The following CBFA2T2 variants were observed in gnomAD, a reference collection of about 807,000 sequenced individuals.
CBFA2T2 encodes the protein CBFA2/RUNX1 partner transcriptional co-repressor 2, also known as protein CBFA2T2.
In CBFA2T2, 11 loss-of-function variants were observed where a neutral mutation model predicts 62.2. That is an observed-to-expected ratio of 0.18 (90% CI 0.11 to 0.29). The LOEUF (loss-of-function observed/expected upper bound fraction) is 0.29. Ranked by LOEUF, CBFA2T2 falls within the 10% of genes least tolerant of loss-of-function variation. The probability of loss-of-function intolerance (pLI) is 1.00; values close to 1 mark genes in which losing one functional copy is unlikely to be tolerated. For missense variants in CBFA2T2, 592 were observed against 774.1 expected (o/e 0.76, Z 2.79); for synonymous variants, 295 against 287.5 (o/e 1.03, Z -0.27).
rs1239155809 is a variant in CBFA2T2, at chr20:33,490,281, C to T, written c.14C>T (p.Pro5Leu). 7.9e-6 allele frequency: 10 copies of T among 1,263,474 alleles called. No individual in the cohort carries two copies. The highest frequency in any genetic ancestry group is 3.0e-4 in the Middle Eastern group (1 of 3,354). The allele number at this position is 1,263,474 out of a possible 1,614,324, so 78.3% of individuals were successfully genotyped here. A position where few individuals can be genotyped will look rare whatever the true frequency, so the allele number is the denominator to read the frequency against. ...CGGCGCTCGGCGATGGTAGGCGTCC[C>T]TGGAGCGGCCGCCTTCCAGCGTAAG... MVGV[P>L]GAAAFQLGPE... is the part of the protein sequence containing the mutation. Residue 5 changes from proline to leucine, a missense_variant, in exon 1 of 11, where the codon CCT (proline) becomes CTT (leucine). Transcript: ENST00000342704.
intron 1 of CBFA2T2, among the ~76,000 whole-genome samples, chr20:33,508,544 A>C (rs566633386): frequency 6.6e-6 from 1 of 152,070 alleles, no homozygotes; most frequent in East Asian, 1.9e-4. Flanking sequence ...TTAGCCTAGT[A>C]CCTGTTATTT....
intron 1 of CBFA2T2, among the ~76,000 whole-genome samples, chr20:33,497,553 T>TA: frequency 1.3e-5 from 2 of 148,272 alleles, no homozygotes; most frequent in East Asian, 3.9e-4. Context: ...TATACTTTTT[T>TA]TTTTTTTTTT....
intron 1 of CBFA2T2, among the ~76,000 whole-genome samples, chr20:33,494,273 ATTT>A (rs1156307604): frequency 1.6e-3 from 35 of 21,316 alleles, no homozygotes; most frequent in Admixed American, 4.8e-3. Context: ...ATATATATAT[ATTT>A]TTTTTTTTTT....
chr20:33,634,888 A>G (rs975769469), intron 8 of CBFA2T2, among the ~76,000 whole-genome samples: 1 of 152,134 alleles, frequency 6.6e-6, no homozygotes, highest in Admixed American at 6.6e-5. Context: ...ACTGAAATAA[A>G]CAGAAATGGG....
chr20:33,563,524 A>G (rs1465474413), intron 1 of CBFA2T2, among the ~76,000 whole-genome samples: 3 of 152,052 alleles, frequency 2.0e-5, no homozygotes, highest in African/African-American at 7.2e-5. Flanking sequence ...TACTGTTTCC[A>G]TACATTGTAT....
intron 1 of CBFA2T2, among the ~76,000 whole-genome samples, chr20:33,502,693 G>A (rs1190911173): frequency 3.3e-5 from 5 of 149,626 alleles, no homozygotes; most frequent in Non-Finnish European, 1.5e-5. Flanking sequence ...GTGAGCCACC[G>A]TGCCCGGCCT....
intron 1 of CBFA2T2, among the ~76,000 whole-genome samples, chr20:33,569,429 T>C (rs1477489576): frequency 6.6e-6 from 1 of 152,244 alleles, no homozygotes; most frequent in African/African-American, 2.4e-5. Flanking sequence ...CTTTCTTCCT[T>C]CATCAGTAAA....
chr20:33,551,408 G>T (rs950564857), intron 1 of CBFA2T2, among the ~76,000 whole-genome samples: 2 of 151,978 alleles, frequency 1.3e-5, no homozygotes, highest in African/African-American at 4.8e-5. Context: ...TAGAGACGGG[G>T]TTTCTCCATG....
At chr20:33,559,684 C>A in intron 1 of CBFA2T2, among the ~76,000 whole-genome samples, 1 of 152,082 alleles carries the variant, frequency 6.6e-6, no homozygotes. Context: ...GGCGGGGTTT[C>A]ACCGTGTTGG....
At position 33,649,745 on chromosome 20, in the gene CBFA2T2, T is replaced by C. The variant is rs2017184629; in HGVS notation, c.*5099T>C. On this transcript the variant is annotated 3_prime_UTR_variant, in exon 11 of 11. Transcript: ENST00000342704. ...CCCTTAACGTGGCTTTCCAACTTCCTGACGAGGCTACAAAGGCTCCGCTCA... is the reference window on the plus strand; with the variant it reads ...CCCTTAACGTGGCTTTCCAACTTCCCGACGAGGCTACAAAGGCTCCGCTCA... 1 of 152,490 alleles carries C rather than the reference T, an allele frequency of 6.6e-6. No homozygotes were observed. The highest frequency in any genetic ancestry group is 2.1e-4 in the South Asian group (1 of 4,828). The allele number at this position is 152,490 out of a possible 1,614,324, so 9.4% of individuals were successfully genotyped here.
chr20:33,624,568 G>A (rs1386830769), intron 5 of CBFA2T2, among the ~76,000 whole-genome samples, 196 bp from the exon 6 acceptor site: 3 of 152,048 alleles, frequency 2.0e-5, no homozygotes, highest in Non-Finnish European at 2.9e-5. Context: ...TTTCATGCTG[G>A]TATAAGTCAG....
intron 1 of CBFA2T2, among the ~76,000 whole-genome samples, chr20:33,513,905 TTTG>T (rs199552942): frequency 0.015 from 2,220 of 151,246 alleles, 47 homozygotes; most frequent in African/African-American, 0.052. Flanking sequence ...TGTGTTTTTT[TTTG>T]TTGTTGTTGT....
At chr20:33,613,708 G>T (rs551167834) in intron 3 of CBFA2T2, among the ~76,000 whole-genome samples, 1 of 152,090 alleles carries the variant, frequency 6.6e-6, no homozygotes, top group Non-Finnish European at 1.5e-5. Flanking sequence ...ACCCTTATCG[G>T]TTAGGGAGAA....
intron 3 of CBFA2T2, among the ~76,000 whole-genome samples, chr20:33,618,771 T>G (rs1303921669): frequency 1.3e-5 from 2 of 152,164 alleles, no homozygotes; most frequent in African/African-American, 4.8e-5. Flanking sequence ...GAGTCCAAAA[T>G]GTCTTAGAGT....
intron 1 of CBFA2T2, among the ~76,000 whole-genome samples, chr20:33,515,164 A>C (rs886476819): frequency 6.6e-6 from 1 of 151,584 alleles, no homozygotes; most frequent in Non-Finnish European, 1.5e-5. Context: ...GCCTAGCAAA[A>C]ACATGGTGAA....
intron 1 of CBFA2T2, among the ~76,000 whole-genome samples, chr20:33,554,715 C>T (rs1322562907): frequency 2.7e-5 from 4 of 148,070 alleles, no homozygotes; most frequent in Non-Finnish European, 3.0e-5. Flanking sequence ...TGAGCCACTG[C>T]GCCTGGCTGT....
chr20:33,510,322 T>G (rs1188984659), intron 1 of CBFA2T2, among the ~76,000 whole-genome samples: 8 of 151,856 alleles, frequency 5.3e-5, no homozygotes, highest in Non-Finnish European at 2.9e-5. Flanking sequence ...GCCATTCTCC[T>G]GCCTCAGCCT....
chr20:33,599,012 G>A (rs1231232154), intron 1 of CBFA2T2, among the ~76,000 whole-genome samples: 4 of 151,410 alleles, frequency 2.6e-5, no homozygotes, highest in African/African-American at 9.7e-5. Context: ...TGTAATCCCA[G>A]CACTTTGGGA....
intron 1 of CBFA2T2, among the ~76,000 whole-genome samples, chr20:33,579,402 GAAAA>G (rs2014001570): frequency 6.6e-6 from 1 of 151,846 alleles, no homozygotes; most frequent in African/African-American, 2.4e-5. Context: ...TTGATGGGCA[GAAAA>G]CTTTAATTTT....
Sources: gnomAD v4.1 joint callset for allele counts (sites outside exome capture counted in the v4.1 genomes callset) on GRCh38, gnomAD v4.1.1 for gene constraint, MANE v1.5 for transcripts, NCBI Gene and HGNC (gene_info 2026-07-23, HGNC 2026-07-21) for gene names.